DGKZ: variants seen among roughly 807,000 people sequenced by gnomAD.
DGKZ encodes the protein DAG kinase zeta.
A neutral mutation model predicts 142.5 loss-of-function variants in DGKZ; 45 were observed. The ratio of observed to expected loss-of-function variants is 0.32; its 90% CI spans 0.25 to 0.40. The LOEUF (loss-of-function observed/expected upper bound fraction) is 0.40, where lower values mean the gene tolerates loss of function less well. DGKZ is among the 10% of genes least tolerant of loss of function. The pLI is 1.00. For missense variants in DGKZ, 755 were observed against 1,306.5 expected, an observed-to-expected ratio of 0.58 and a Z score of 6.51; for synonymous variants, 442 against 527.0, an observed-to-expected ratio of 0.84 and a Z score of 2.21.
chr11:46,333,281 C>A, exon 1 of DGKZ: 1 of 1,255,812 alleles, frequency 8.0e-7, no homozygotes, highest in South Asian at 3.2e-5. Flanking sequence ...GCACGATGGC[C>A]GAGGGGCAGG....
chr11:46,362,828 C>A (rs1183455186), intron 1 of DGKZ, among the ~76,000 whole-genome samples: 1 of 152,198 alleles, frequency 6.6e-6, no homozygotes, highest in Non-Finnish European at 1.5e-5. Flanking sequence ...GCTCGGCCAC[C>A]TGCAGCCACA....
At chr11:46,366,331 C>T (rs750042774) in intron 1 of DGKZ, 4 of 1,563,512 alleles carry the variant, frequency 2.6e-6, no homozygotes, top group Middle Eastern at 1.8e-4. Context: ...GGCCCAGCAG[C>T]GTGGGGCTGC....
chr11:46,375,124 C>T (rs1326328478), intron 19 of DGKZ, 79 bp downstream of exon 19: 3 of 1,326,312 alleles, frequency 2.3e-6, no homozygotes, highest in African/African-American at 2.9e-5. Flanking sequence ...CCTCCATGGG[C>T]CACGGCGGCC....
intron 1 of DGKZ, among the ~76,000 whole-genome samples, chr11:46,337,287 CT>C (rs948859545): frequency 0.011 from 931 of 86,284 alleles, 5 homozygotes; most frequent in African/African-American, 0.035. Flanking sequence ...TAAATGGGTT[CT>C]TTTTTTTTTT....
intron 1 of DGKZ, among the ~76,000 whole-genome samples, chr11:46,353,529 C>T (rs1448534557): frequency 6.6e-6 from 1 of 152,138 alleles, no homozygotes; most frequent in South Asian, 2.1e-4. Flanking sequence ...GCTGTGAGCC[C>T]GTCATCATGT....
chr11:46,353,926 G>C (rs560936280), intron 1 of DGKZ, among the ~76,000 whole-genome samples: 1 of 152,328 alleles, frequency 6.6e-6, no homozygotes, highest in Non-Finnish European at 1.5e-5. Flanking sequence ...TTAACAGCTT[G>C]CCTGTCTCTC....
At chr11:46,370,855 G>GGGTGGATCACCTGA (rs1475652918) in intron 6 of DGKZ, among the ~76,000 whole-genome samples, 1 of 152,156 alleles carries the variant, frequency 6.6e-6, no homozygotes, top group East Asian at 1.9e-4. Context: ...AGGCTGAGGT[G>GGGTGGATCACCTGA]GGTGGATCAC....
intron 1 of DGKZ, chr11:46,364,913 A>G: frequency 3.0e-6 from 3 of 985,402 alleles, no homozygotes; most frequent in Non-Finnish European, 3.6e-6. Context: ...GTTAGGATGC[A>G]TCCCCCACCA....
rs749314563 is a variant in DGKZ at position 46,367,434 on chromosome 11, C to T, written c.270+35C>T. On this transcript the variant is annotated intron_variant, in intron 2 of 30. Coordinates refer to ENST00000527911, the Ensembl canonical transcript of DGKZ. This position sits in a 1 kb window ranked among gnomAD's most constrained non-coding sequence, Gnocchi z 4.1. ...TGAACACCCCTGGGTCCCAGACCCT[C>T]TGGGCTCTTGGCCAAGGCGCAGCTG... 6.2e-7 allele frequency: 1 copy of T among 1,601,352 alleles called. No homozygotes were observed. Among genetic ancestry groups the T allele is most frequent in the Non-Finnish European group, 8.5e-7 (1 of 1,171,030 alleles).
At position 46,370,049 on chromosome 11, in the gene DGKZ, C is replaced by A. The variant is rs537537385; in HGVS notation, c.570+40C>A. 31 of 1,610,350 alleles carry A rather than the reference C, an allele frequency of 1.9e-5. 1 individual carries two copies. The South Asian group carries it at 3.4e-4, about 18-fold the overall frequency. ...CCGAGGACATCGCCACCTGCACCTG[C>A]GGTCCTGAGCCCAGGCCATGTGGCC... On this transcript the variant is annotated intron_variant, in intron 6 of 30. Transcript: ENST00000527911.
chr11:46,363,920 G>A (rs1942970353), intron 1 of DGKZ, among the ~76,000 whole-genome samples: 1 of 152,198 alleles, frequency 6.6e-6, no homozygotes, highest in Non-Finnish European at 1.5e-5. Context: ...GAATGCCGCT[G>A]ACTGGCCGTG....
exon 1 of DGKZ, chr11:46,333,167 C>T (rs1043768060): frequency 5.5e-5 from 54 of 990,572 alleles, no homozygotes; most frequent in Non-Finnish European, 6.3e-5. Context: ...CGGAACCCGG[C>T]GCTCCCCTCC....
chr11:46,366,243 G>A, intron 1 of DGKZ: 1 of 1,561,168 alleles, frequency 6.4e-7, no homozygotes, highest in Non-Finnish European at 8.6e-7. Context: ...GTGCCCAACA[G>A]CCAACCGCCT....
In DGKZ at chr11:46,376,309, C is replaced by A. The variant is rs754195952; in HGVS notation, c.2092-19C>A. 23 of 1,613,756 alleles carry A rather than the reference C, an allele frequency of 1.4e-5. No homozygotes were observed. In the African/African-American group the frequency reaches 2.7e-4, roughly 19 times the overall value. ...TGGCCCCCACTCTATCCCAGCCTGG[C>A]CTTTGCTTCTCTCAACAGGAGCCCG... On this transcript the variant is annotated intron_variant, in intron 22 of 30. Coordinates refer to ENST00000527911, the Ensembl canonical transcript of DGKZ.
At chr11:46,343,136 A>G (rs1940357727), upstream of DGKZ, among the ~76,000 whole-genome samples, 1 of 152,088 alleles carries the variant, frequency 6.6e-6, no homozygotes, top group African/African-American at 2.4e-5. Flanking sequence ...AAAAAAACAA[A>G]AAAAAAGCAA....
upstream of DGKZ, among the ~76,000 whole-genome samples, chr11:46,346,720 G>C (rs1466903340): frequency 6.6e-6 from 1 of 152,160 alleles, no homozygotes; most frequent in Non-Finnish European, 1.5e-5. Context: ...ATTTGTGAGT[G>C]TGTAAGGGCT....
At chr11:46,376,244 T>C (rs1401575645) in intron 22 of DGKZ, 84 bp from the exon 23 acceptor site, 13 of 1,605,786 alleles carry the variant, frequency 8.1e-6, no homozygotes, top group African/African-American at 8.0e-5. Flanking sequence ...CGGAGCCTCC[T>C]CTGTGCTGGT....
At chr11:46,340,462 T>C (rs1940225287) in intron 1 of DGKZ, among the ~76,000 whole-genome samples, 1 of 152,090 alleles carries the variant, frequency 6.6e-6, no homozygotes, top group Non-Finnish European at 1.5e-5. Context: ...CTCTCTCACC[T>C]CCAATCCAGG....
chr11:46,361,940 A>G (rs1942705075), intron 1 of DGKZ: 1 of 152,472 alleles, frequency 6.6e-6, no homozygotes, highest in African/African-American at 2.4e-5. Context: ...CTTACCATCC[A>G]GCCTGGCCCA....
Sources: gnomAD v4.1 joint callset for allele counts (sites outside exome capture counted in the v4.1 genomes callset) on GRCh38, gnomAD v4.1.1 for gene constraint, Gnocchi (gnomAD v3.1) non-coding constraint, MANE v1.5 for transcripts, NCBI Gene and HGNC (gene_info 2026-07-23, HGNC 2026-07-21) for gene names.